DERA: variants seen among roughly 807,000 people sequenced by gnomAD.
DERA encodes the protein 2-deoxy-D-ribose 5-phosphate aldolase.
DERA carries 15 observed loss-of-function variants against 41.1 expected under a neutral mutation model. That is an observed-to-expected ratio of 0.37 (90% CI 0.24 to 0.56). The LOEUF (loss-of-function observed/expected upper bound fraction) is 0.56, where lower values mean the gene tolerates loss of function less well. DERA is among the 20% of genes least tolerant of loss of function. DERA has a pLI of 0.81. For missense variants in DERA, 396 were observed against 403.4 expected (o/e 0.98, Z 0.16); for synonymous variants, 139 against 137.4 (o/e 1.01, Z -0.08).
intron 1 of DERA, among the ~76,000 whole-genome samples, chr12:15,925,717 G>A (rs1347394372): frequency 2.6e-5 from 4 of 151,902 alleles, no homozygotes; most frequent in South Asian, 2.1e-4. Flanking sequence ...TGTGGGAGGT[G>A]CAGTGCAATG....
In DERA at chr12:16,026,491, G is replaced by C. The variant is rs891170857; in HGVS notation, c.638-6051G>C. On this transcript the variant is annotated intron_variant, in intron 6 of 8. Transcript: ENST00000428559. The surrounding 1 kb of genome is among the most constrained non-coding windows in gnomAD (Gnocchi z 4.4). ...CAACCAAAACTCACAAGGAGAAATAGTCTGAATAGGTCTATATCTATTAAA... is the reference window on the plus strand; with the variant it reads ...CAACCAAAACTCACAAGGAGAAATACTCTGAATAGGTCTATATCTATTAAA... Among the ~76,000 whole-genome samples, 7 of 151,192 alleles carry C rather than the reference G, an allele frequency of 4.6e-5. No individual in the cohort carries two copies. The highest frequency in any genetic ancestry group is 1.0e-4 in the Non-Finnish European group (7 of 67,706).
rs1033416368 is a variant in DERA, at chr12:15,988,913, G to T, written c.637+6477G>T. Among the ~76,000 whole-genome samples the T allele has an allele frequency of 1.3e-5, 2 of 152,236 alleles. No individual in the cohort carries two copies. Among genetic ancestry groups the T allele is most frequent in the African/African-American group, 4.8e-5 (2 of 41,468 alleles). ...TCCAGAGGGGGCCAAGGCGGTGGGA[G>T]GCTGGCGTGTCAGCGCTGCCCTGAA... is the stretch of plus-strand genomic sequence containing the variant. On this transcript the variant is annotated intron_variant, in intron 6 of 8. Transcript: ENST00000428559. This position sits in a 1 kb window ranked among gnomAD's most constrained non-coding sequence, Gnocchi z 6.0.
intron 6 of DERA, among the ~76,000 whole-genome samples, chr12:16,027,978 G>T (rs1299611642): frequency 6.6e-6 from 1 of 152,172 alleles, no homozygotes; most frequent in Non-Finnish European, 1.5e-5. Context: ...AAAGCATCCA[G>T]TATCCATGGA....
rs894410302 is a variant in DERA, at chr12:16,020,188, G to C, written c.638-12354G>C. Among the ~76,000 whole-genome samples the C allele has an allele frequency of 1.3e-5, 2 of 152,150 alleles. No homozygotes were observed. Among genetic ancestry groups the C allele is most frequent in the African/African-American group, 4.8e-5 (2 of 41,426 alleles). ...AATTACCCAATGTATTAGTCCACAG[G>C]CTGTGCAGGAAGCATGGCTGGGGAG... On this transcript the variant is annotated intron_variant, in intron 6 of 8. Transcript: ENST00000428559. The surrounding 1 kb of genome is among the most constrained non-coding windows in gnomAD (Gnocchi z 5.5).
At chr12:15,987,090 T>C (rs543303337) in intron 6 of DERA, among the ~76,000 whole-genome samples, 1 of 152,140 alleles carries the variant, frequency 6.6e-6, no homozygotes, top group South Asian at 2.1e-4. Context: ...CTTTTGTCTT[T>C]TTTGTTTTCC....
chr12:16,033,579 G>GTTT (rs1949107457), intron 7 of DERA, among the ~76,000 whole-genome samples: 1 of 133,148 alleles, frequency 7.5e-6, no homozygotes, highest in African/African-American at 2.8e-5. Flanking sequence ...TGGAGAGCAA[G>GTTT]GTTGTGTGTG....
rs1040694959 is a variant in DERA at position 15,972,383 on chromosome 12, C to T, written c.508+9436C>T. 6.5e-6 allele frequency: 1 copy of T among 153,424 alleles called. No individual in the cohort carries two copies. Among genetic ancestry groups the T allele is most frequent in the Non-Finnish European group, 1.5e-5 (1 of 68,306 alleles). 9.5% of individuals were successfully genotyped at this position (153,424 alleles called of 1,614,324 possible). ...CCAGAACTGTGGGGTGAACTGATCA[C>T]CCCACAGTTCACCCTTTAGAGACAC... On this transcript the variant is annotated intron_variant, in intron 5 of 8. Coordinates refer to ENST00000428559, the MANE Select transcript of DERA (RefSeq NM_015954.4). This position sits in a 1 kb window ranked among gnomAD's most constrained non-coding sequence, Gnocchi z 4.4.
At chr12:15,969,379 A>C (rs1438224619) in intron 5 of DERA, among the ~76,000 whole-genome samples, 1 of 152,196 alleles carries the variant, frequency 6.6e-6, no homozygotes, top group African/African-American at 2.4e-5. Flanking sequence ...CCATGAGCTG[A>C]GGACCTGGAG....
At position 15,961,780 on chromosome 12, in the gene DERA, A is replaced by G. The variant is rs185382556; in HGVS notation, c.374-1033A>G. Reference sequence around the variant, plus strand: ...ATTTTTTGAGACAGAGTCTCGCTCTATCACCCAGGCTGGAGTGCAGTGGCG... The same window carrying G: ...ATTTTTTGAGACAGAGTCTCGCTCTGTCACCCAGGCTGGAGTGCAGTGGCG... On this transcript the variant is annotated intron_variant, in intron 4 of 8. Transcript: ENST00000428559. Among the ~76,000 whole-genome samples the G allele has an allele frequency of 6.2e-4, 95 of 152,240 alleles. 3 individuals are homozygous for G. Among genetic ancestry groups the G allele is most frequent in the Middle Eastern group, 3.4e-3 (1 of 294 alleles).
At position 16,020,005 on chromosome 12, in the gene DERA, C is replaced by T. The variant is rs867897210; in HGVS notation, c.638-12537C>T. On this transcript the variant is annotated intron_variant, in intron 6 of 8. Coordinates refer to ENST00000428559, the MANE Select transcript of DERA (RefSeq NM_015954.4). This position sits in a 1 kb window ranked among gnomAD's most constrained non-coding sequence, Gnocchi z 5.5. ...TTTTTAAAAGAGCATGGCACCTCCC[C>T]GCATCTCACTCCCACTCTCGCCATC... Among the ~76,000 whole-genome samples, 11 of 152,050 alleles carry T rather than the reference C, an allele frequency of 7.2e-5. No homozygotes were observed. Among genetic ancestry groups the T allele is most frequent in the Non-Finnish European group, 7.4e-5 (5 of 68,008 alleles).
chr12:15,912,340 T>TCA (rs1200635208), intron 1 of DERA, among the ~76,000 whole-genome samples: 1 of 152,170 alleles, frequency 6.6e-6, no homozygotes, highest in Admixed American at 6.5e-5. Flanking sequence ...GGGGATAAGG[T>TCA]CACAGATCAA....
At position 16,004,382 on chromosome 12, in the gene DERA, A is replaced by G. The variant is rs938996994; in HGVS notation, c.637+21946A>G. On this transcript the variant is annotated intron_variant, in intron 6 of 8. Transcript: ENST00000428559. The surrounding 1 kb of genome is among the most constrained non-coding windows in gnomAD (Gnocchi z 4.2). Reference sequence around the variant, plus strand: ...AAGAAAAACCCAACTCCTCCTTAACAATTTGTTCTCCCACCAATCTTTGAT... The same window carrying G: ...AAGAAAAACCCAACTCCTCCTTAACGATTTGTTCTCCCACCAATCTTTGAT... 1.2e-4 allele frequency among the ~76,000 whole-genome samples: 18 copies of G among 148,218 alleles called. 1 individual carries two copies. Among genetic ancestry groups the G allele is most frequent in the African/African-American group, 4.5e-4 (17 of 37,760 alleles).
chr12:16,007,830 G>C (rs1948922645), intron 6 of DERA, among the ~76,000 whole-genome samples: 1 of 148,440 alleles, frequency 6.7e-6, no homozygotes, highest in Admixed American at 7.0e-5. Context: ...TGATAATGCA[G>C]TTTTTTGTTT....
In DERA at chr12:15,998,865, G is replaced by A. The variant is rs1948856638; in HGVS notation, c.637+16429G>A. ...TAGCTTACAGAATAACTGAAATGTA[G>A]CCTGTGTCAGTTGCACTATAGGTCC... On this transcript the variant is annotated intron_variant, in intron 6 of 8. Coordinates refer to ENST00000428559, the MANE Select transcript of DERA (RefSeq NM_015954.4). The surrounding 1 kb of genome is among the most constrained non-coding windows in gnomAD (Gnocchi z 4.8). Among the ~76,000 whole-genome samples the A allele has an allele frequency of 6.6e-6, 1 of 152,132 alleles. No homozygotes were observed. The highest frequency in any genetic ancestry group is 1.5e-5 in the Non-Finnish European group (1 of 68,016).
intron 5 of DERA, among the ~76,000 whole-genome samples, chr12:15,979,919 G>A (rs970420799): frequency 3.3e-5 from 5 of 152,148 alleles, no homozygotes; most frequent in Non-Finnish European, 4.4e-5. Flanking sequence ...AAATATGGTC[G>A]TGATCAGTGT....
rs192689577 is a variant in DERA at position 16,021,612 on chromosome 12, A to G, written c.638-10930A>G. 2.0e-5 allele frequency among the ~76,000 whole-genome samples: 3 copies of G among 152,326 alleles called. No individual in the cohort carries two copies. The highest frequency in any genetic ancestry group is 4.8e-5 in the African/African-American group (2 of 41,574). ...ATGGTAGAGCCACCAGCAGTTTGCAACTACCACATGGAAAAGCCACAGGGC... is the reference window on the plus strand; with the variant it reads ...ATGGTAGAGCCACCAGCAGTTTGCAGCTACCACATGGAAAAGCCACAGGGC... On this transcript the variant is annotated intron_variant, in intron 6 of 8. Coordinates refer to ENST00000428559, the MANE Select transcript of DERA (RefSeq NM_015954.4). This position sits in a 1 kb window ranked among gnomAD's most constrained non-coding sequence, Gnocchi z 5.3.
chr12:15,912,224 C>G (rs981744576), intron 1 of DERA, among the ~76,000 whole-genome samples: 6 of 151,932 alleles, frequency 3.9e-5, no homozygotes, highest in Admixed American at 1.3e-4. Context: ...TGACTCTTAA[C>G]GAGCATGCTG....
intron 4 of DERA, among the ~76,000 whole-genome samples, chr12:15,960,284 A>T (rs1592020270): frequency 6.6e-6 from 1 of 150,420 alleles, no homozygotes; most frequent in African/African-American, 2.4e-5. Flanking sequence ...ATAACTATAT[A>T]CATACTAACA....
At chr12:16,033,286 C>T (rs113301096) in intron 7 of DERA, among the ~76,000 whole-genome samples, 1 of 152,146 alleles carries the variant, frequency 6.6e-6, no homozygotes, top group Admixed American at 6.5e-5. Flanking sequence ...TGTGAAACAG[C>T]AGGGAAAAGG....
Sources: allele counts gnomAD v4.1 joint callset (sites outside exome capture counted in the v4.1 genomes callset), GRCh38; gene constraint gnomAD v4.1.1; non-coding constraint Gnocchi (gnomAD v3.1); transcripts MANE v1.5; gene names NCBI Gene and HGNC (gene_info 2026-07-23, HGNC 2026-07-21).